LINGO2: variants seen among roughly 807,000 people sequenced by gnomAD.
LINGO2 encodes leucine rich repeat and Ig domain containing 2, also known as leucine-rich repeat and immunoglobulin-like domain-containing nogo receptor-interacting protein 2.
LINGO2 carries 14 observed loss-of-function variants against 30.6 expected under a neutral mutation model. The observed-to-expected ratio is 0.46, with a 90% CI of 0.30 to 0.72. LINGO2 has a LOEUF of 0.72. LINGO2 is among the 30% of genes least tolerant of loss of function. The probability of loss-of-function intolerance (pLI) is 0.07; values close to 1 mark genes in which losing one functional copy is unlikely to be tolerated. For synonymous variants in LINGO2, 317 were observed against 288.5 expected (o/e 1.10, Z -1.00); for missense variants, 729 against 751.7 (o/e 0.97, Z 0.35).
chr9:28,548,777 G>C (rs1271688713), intron 1 of LINGO2, among the ~76,000 whole-genome samples: 1 of 148,312 alleles, frequency 6.7e-6, no homozygotes, highest in Non-Finnish European at 1.5e-5. Context: ...ATGCAATTGT[G>C]TATTAACTAC....
chr9:29,072,591 G>T, the LINGO2 span, among the ~76,000 whole-genome samples: 101 of 131,740 alleles, frequency 7.7e-4, 1 homozygote, highest in African/African-American at 1.8e-3. Flanking sequence ...TTAGGGGAGA[G>T]ATATATATAT....
chr9:28,047,247 G>A (rs1296431154), intron 4 of LINGO2, among the ~76,000 whole-genome samples: 1 of 152,110 alleles, frequency 6.6e-6, no homozygotes, highest in Non-Finnish European at 1.5e-5. Context: ...CCACCAACCT[G>A]TAGTGATCTG....
chr9:28,326,739 C>A (rs958950733), intron 3 of LINGO2, among the ~76,000 whole-genome samples: 1 of 152,106 alleles, frequency 6.6e-6, no homozygotes, highest in African/African-American at 2.4e-5. Flanking sequence ...TAGTATTTTT[C>A]TAATCCCAAA....
intron 2 of LINGO2, among the ~76,000 whole-genome samples, chr9:28,396,953 T>A (rs1310152744): frequency 6.6e-6 from 1 of 152,120 alleles, no homozygotes; most frequent in Non-Finnish European, 1.5e-5. Flanking sequence ...TGATTCACTA[T>A]CCTTCAAGAT....
At chr9:28,364,188 T>C (rs1820567377) in intron 3 of LINGO2, among the ~76,000 whole-genome samples, 1 of 152,180 alleles carries the variant, frequency 6.6e-6, no homozygotes, top group Non-Finnish European at 1.5e-5. Flanking sequence ...ATTCTTTATA[T>C]GATTAGACAT....
chr9:29,028,354 T>G, the LINGO2 span, among the ~76,000 whole-genome samples: 1 of 146,466 alleles, frequency 6.8e-6, no homozygotes, highest in Non-Finnish European at 1.5e-5. Context: ...AGGGTTTCAT[T>G]CAGGTGATGA....
intron 2 of LINGO2, among the ~76,000 whole-genome samples, chr9:28,464,067 T>C (rs2135134910): frequency 6.6e-6 from 1 of 152,304 alleles, no homozygotes; most frequent in East Asian, 1.9e-4. Context: ...CACTTAAGGT[T>C]GGGAAGACAA....
intron 1 of LINGO2, among the ~76,000 whole-genome samples, chr9:28,499,975 G>T (rs565478501): frequency 9.2e-5 from 14 of 152,244 alleles, no homozygotes; most frequent in African/African-American, 3.4e-4. Flanking sequence ...AATGATCCTA[G>T]ACTTGAAGGT....
chr9:28,142,447 T>C (rs564406376), intron 4 of LINGO2, among the ~76,000 whole-genome samples: 1 of 152,220 alleles, frequency 6.6e-6, no homozygotes, highest in Non-Finnish European at 1.5e-5. Context: ...CTATAAAAAC[T>C]TCATAGGATT....
chr9:28,371,179 G>A (rs1250029587), intron 3 of LINGO2, among the ~76,000 whole-genome samples: 2 of 152,196 alleles, frequency 1.3e-5, no homozygotes, highest in African/African-American at 4.8e-5. Context: ...GGACATTGCA[G>A]ATAATTAAGT....
chr9:29,007,146 G>A, the LINGO2 span, among the ~76,000 whole-genome samples: 1 of 152,000 alleles, frequency 6.6e-6, no homozygotes, highest in Non-Finnish European at 1.5e-5. Context: ...TTTATCAAAG[G>A]TAATGGTAGA....
chr9:29,210,628 TA>T, the LINGO2 span, among the ~76,000 whole-genome samples: 1 of 152,200 alleles, frequency 6.6e-6, no homozygotes. Context: ...TTCCCTGAGA[TA>T]ATGCTATGTG....
chr9:28,324,631 A>C (rs929864543), intron 3 of LINGO2, among the ~76,000 whole-genome samples: 1 of 152,138 alleles, frequency 6.6e-6, no homozygotes, highest in African/African-American at 2.4e-5. Context: ...GCATGCTGAA[A>C]GATACTTCCA....
chr9:28,958,954 A>G, the LINGO2 span, among the ~76,000 whole-genome samples: 1 of 152,090 alleles, frequency 6.6e-6, no homozygotes, highest in Non-Finnish European at 1.5e-5. Context: ...GGACTGGTAC[A>G]TGGGACAATG....
intron 1 of LINGO2, among the ~76,000 whole-genome samples, chr9:28,618,252 C>T (rs780152878): frequency 2.6e-5 from 4 of 152,082 alleles, no homozygotes; most frequent in African/African-American, 7.2e-5. Context: ...CAATTAGAGG[C>T]GGCATCACCA....
intron 3 of LINGO2, among the ~76,000 whole-genome samples, chr9:28,305,534 TA>T (rs1824312760): frequency 6.6e-6 from 1 of 152,000 alleles, no homozygotes; most frequent in South Asian, 2.1e-4. Flanking sequence ...ATAGAAAAAT[TA>T]CATACAAAAA....
chr9:28,373,619 G>C (rs1286728957), intron 2 of LINGO2, among the ~76,000 whole-genome samples: 2 of 152,108 alleles, frequency 1.3e-5, no homozygotes, highest in African/African-American at 4.8e-5. Flanking sequence ...ATGGATTCAG[G>C]CCGGGCGCAG....
chr9:29,093,029 G>GTGTATATATA, the LINGO2 span, among the ~76,000 whole-genome samples: 4 of 98,546 alleles, frequency 4.1e-5, no homozygotes, highest in African/African-American at 1.6e-4. Context: ...TAATGTGTGT[G>GTGTATATATA]TATATATATA....
chr9:28,180,513 C>T (rs553607279), intron 4 of LINGO2, among the ~76,000 whole-genome samples: 25 of 152,260 alleles, frequency 1.6e-4, no homozygotes, highest in Admixed American at 2.6e-4. Context: ...TTCTTTGCTT[C>T]CTCCCCCAAT....
Sources: gnomAD v4.1 joint callset for allele counts (sites outside exome capture counted in the v4.1 genomes callset) on GRCh38, gnomAD v4.1.1 for gene constraint, MANE v1.5 for transcripts, NCBI Gene and HGNC (gene_info 2026-07-23, HGNC 2026-07-21) for gene names.